PCED1B: variants seen among roughly 807,000 people sequenced by gnomAD.
The protein encoded by PCED1B is PC-esterase domain-containing protein 1B.
For synonymous variants in PCED1B, 251 were observed against 246.1 expected, an observed-to-expected ratio of 1.02 and a Z score of -0.19; for missense variants, 573 against 573.9, an observed-to-expected ratio of 1.00 and a Z score of 0.02.
intron 3 of PCED1B, among the ~76,000 whole-genome samples, chr12:47,232,736 T>C (rs1245323001): frequency 6.6e-6 from 1 of 152,174 alleles, no homozygotes; most frequent in Admixed American, 6.5e-5. Flanking sequence ...TCACAGTTTT[T>C]AACATTGCAT....
intron 2 of PCED1B, among the ~76,000 whole-genome samples, chr12:47,160,592 T>C (rs1231884423): frequency 6.6e-6 from 1 of 152,120 alleles, no homozygotes; most frequent in African/African-American, 2.4e-5. Context: ...TTTGGGAGTA[T>C]GTATGAGCCA....
intron 2 of PCED1B, among the ~76,000 whole-genome samples, chr12:47,108,739 C>T (rs1299942466): frequency 1.3e-5 from 2 of 152,096 alleles, no homozygotes; most frequent in Non-Finnish European, 2.9e-5. Context: ...GTTTTCTTCT[C>T]TTCTTTAAAC....
intron 2 of PCED1B, among the ~76,000 whole-genome samples, chr12:47,161,472 A>G (rs906171742): frequency 6.6e-6 from 1 of 152,180 alleles, no homozygotes; most frequent in African/African-American, 2.4e-5. Flanking sequence ...TTTGATTACT[A>G]TAACTGTATA....
intron 1 of PCED1B, among the ~76,000 whole-genome samples, chr12:47,103,848 T>C (rs536026604): frequency 3.7e-4 from 57 of 152,308 alleles, no homozygotes; most frequent in African/African-American, 1.2e-3. Flanking sequence ...TGCACATAAT[T>C]AAGGAAACAT....
Position 47,085,442 on chromosome 12 carries a change from C to T in PCED1B, c.-609+5717C>T, listed in dbSNP as rs185540623. ...CAAGTTCTTTATAGTTGAGAGGTCA[C>T]TTTAATCTATTAAGTATTCTATTGT... is the stretch of plus-strand genomic sequence containing the variant. On this transcript the variant is annotated intron_variant, in intron 1 of 3. Coordinates refer to ENST00000546455, the MANE Select transcript of PCED1B (RefSeq NM_138371.3). Among the ~76,000 whole-genome samples, 6 of 152,286 alleles carry T rather than the reference C, an allele frequency of 3.9e-5. No individual in the cohort carries two copies. In the East Asian group the frequency reaches 1.2e-3, roughly 29 times the overall value.
chr12:47,132,882 C>T (rs1473575079), intron 2 of PCED1B, among the ~76,000 whole-genome samples: 1 of 152,098 alleles, frequency 6.6e-6, no homozygotes, highest in African/African-American at 2.4e-5. Flanking sequence ...AGTTAAGAGT[C>T]TTTTTGTTAA....
chr12:47,222,806 C>A (rs1287389126), intron 3 of PCED1B, among the ~76,000 whole-genome samples: 2 of 152,180 alleles, frequency 1.3e-5, no homozygotes, highest in Non-Finnish European at 2.9e-5. Flanking sequence ...CAGAGCCCCT[C>A]CCTCTCAGCC....
intron 2 of PCED1B, among the ~76,000 whole-genome samples, chr12:47,172,887 A>G (rs1160553717): frequency 2.0e-5 from 3 of 152,148 alleles, no homozygotes; most frequent in African/African-American, 7.2e-5. Context: ...TAAGAATGTG[A>G]CAAGGAGAAA....
intron 3 of PCED1B, among the ~76,000 whole-genome samples, chr12:47,226,785 G>A (rs984342992): frequency 6.6e-6 from 1 of 152,138 alleles, no homozygotes; most frequent in Non-Finnish European, 1.5e-5. Context: ...ATGAATAAGT[G>A]TACTTATCAA....
At chr12:47,174,108 T>C (rs942939539) in intron 2 of PCED1B, among the ~76,000 whole-genome samples, 1 of 151,972 alleles carries the variant, frequency 6.6e-6, no homozygotes, top group Admixed American at 6.6e-5. Context: ...AGTGAGACTC[T>C]GTCTCTATAA....
chr12:47,236,122 C>A lies in PCED1B; in HGVS notation c.1059C>A (p.Phe353Leu), dbSNP rs768072486. 1 of 1,614,122 alleles carries A rather than the reference C, an allele frequency of 6.2e-7. No individual in the cohort carries two copies. Among genetic ancestry groups the A allele is most frequent in the South Asian group, 1.1e-5 (1 of 91,086 alleles). Residue 353 changes from phenylalanine to leucine, a missense_variant, in exon 4 of 4, where the codon TTC becomes TTA. By Grantham distance (22) the Phe-to-Leu change is conservative. Transcript: ENST00000546455. ...SSDHTFQSDQFYCHSDVPSSA... is the reference protein window; with the variant it reads ...SSDHTFQSDQLYCHSDVPSSA... ...ACCATACTTTCCAGTCGGATCAATT[C>A]TATTGCCATTCAGATGTCCCCTCAT...
At chr12:47,171,086 A>C (rs1301422449) in intron 2 of PCED1B, among the ~76,000 whole-genome samples, 1 of 48,332 alleles carries the variant, frequency 2.1e-5, no homozygotes, top group Middle Eastern at 0.021. Context: ...TTTTTTTTTG[A>C]GACGGAGTTT....
At chr12:47,164,759 A>C (rs149091664) in intron 2 of PCED1B, among the ~76,000 whole-genome samples, 311 of 150,992 alleles carry the variant, frequency 2.1e-3, no homozygotes, top group African/African-American at 7.3e-3. Context: ...CACCTCCATC[A>C]CTCCGGCATT....
intron 2 of PCED1B, among the ~76,000 whole-genome samples, chr12:47,129,613 A>C (rs1940038632): frequency 6.6e-6 from 1 of 152,152 alleles, no homozygotes; most frequent in African/African-American, 2.4e-5. Context: ...TTTTTAAAGA[A>C]AAAAAAGAGT....
intron 2 of PCED1B, among the ~76,000 whole-genome samples, chr12:47,166,340 G>A (rs1330262150): frequency 6.6e-6 from 1 of 152,106 alleles, no homozygotes; most frequent in Non-Finnish European, 1.5e-5. Context: ...CCTTTAAAAT[G>A]CCCAGTAGCC....
intron 2 of PCED1B, among the ~76,000 whole-genome samples, chr12:47,177,895 C>T (rs1941975107): frequency 1.3e-5 from 2 of 151,910 alleles, no homozygotes; most frequent in Non-Finnish European, 2.9e-5. Flanking sequence ...TGCGGTGAGC[C>T]GAGATCGTGT....
rs1941289467 is a variant in PCED1B, at chr12:47,159,134, T to C, written c.-526+54939T>C. On this transcript the variant is annotated intron_variant, in intron 2 of 3. Coordinates refer to ENST00000546455, the MANE Select transcript of PCED1B (RefSeq NM_138371.3). ...ATGTATATATGCCACATTTTATTTA[T>C]CCATTTATCCACTGATGGACACTTA... 2.0e-5 allele frequency among the ~76,000 whole-genome samples: 3 copies of C among 152,226 alleles called. No individual in the cohort carries two copies. In the South Asian group the frequency reaches 6.2e-4, roughly 31 times the overall value.
At chr12:47,127,758 C>T (rs1939954365) in intron 2 of PCED1B, among the ~76,000 whole-genome samples, 1 of 152,096 alleles carries the variant, frequency 6.6e-6, no homozygotes, top group South Asian at 2.1e-4. Flanking sequence ...TGTTTTATGG[C>T]TTAGAATGTT....
intron 2 of PCED1B, among the ~76,000 whole-genome samples, chr12:47,164,030 A>G (rs1157960172): frequency 1.3e-5 from 2 of 152,182 alleles, no homozygotes; most frequent in African/African-American, 4.8e-5. Flanking sequence ...TGAGGGATTA[A>G]TCCTTGTGAC....
Sources: gnomAD v4.1 joint callset for allele counts (sites outside exome capture counted in the v4.1 genomes callset) on GRCh38, gnomAD v4.1.1 for gene constraint, MANE v1.5 for transcripts, NCBI Gene and HGNC (gene_info 2026-07-23, HGNC 2026-07-21) for gene names.